ADK: variants seen among roughly 807,000 people sequenced by gnomAD.
ADK encodes the protein N6,N6-dimethyladenosine kinase.
Under a neutral mutation model 44.7 loss-of-function variants are expected in ADK, and 24 were observed. The ratio of observed to expected loss-of-function variants is 0.54; its 90% CI spans 0.39 to 0.76. The LOEUF (loss-of-function observed/expected upper bound fraction) is 0.76, where lower values mean the gene tolerates loss of function less well. ADK is among the 30% of genes least tolerant of loss of function. ADK has a pLI of 0.00. For synonymous variants in ADK, 128 were observed against 142.6 expected (o/e 0.90, Z 0.73); for missense variants, 321 against 425.1 (o/e 0.76, Z 2.15).
intron 10 of ADK, among the ~76,000 whole-genome samples, chr10:74,696,027 A>G (rs1434149006): frequency 6.6e-6 from 1 of 151,474 alleles, no homozygotes; most frequent in Non-Finnish European, 1.5e-5. Context: ...TTTTTATTTT[A>G]TTTTATTTTT....
At chr10:74,301,706 T>G (rs1435340616) in intron 3 of ADK, among the ~76,000 whole-genome samples, 1 of 152,060 alleles carries the variant, frequency 6.6e-6, no homozygotes, top group African/African-American at 2.4e-5. Flanking sequence ...TTTTTTCTCA[T>G]TACCCATAGA....
At chr10:74,455,981 G>GGGGGT (rs1413735803) in intron 6 of ADK, among the ~76,000 whole-genome samples, 1 of 151,972 alleles carries the variant, frequency 6.6e-6, no homozygotes, top group Non-Finnish European at 1.5e-5. Flanking sequence ...CATTGTGTCT[G>GGGGGT]GGGGTTGTTC....
intron 3 of ADK, among the ~76,000 whole-genome samples, chr10:74,252,676 A>T (rs923112356): frequency 2.0e-5 from 3 of 152,320 alleles, no homozygotes; most frequent in Non-Finnish European, 4.4e-5. Flanking sequence ...ATAGAAAGTA[A>T]GTGTTCAGAT....
chr10:74,690,213 G>A (rs1317989486), intron 10 of ADK, among the ~76,000 whole-genome samples: 1 of 152,204 alleles, frequency 6.6e-6, no homozygotes, highest in South Asian at 2.1e-4. Flanking sequence ...ATCCAAATCA[G>A]GCTGGGTGTG....
At chr10:74,268,618 C>T (rs1308499364) in intron 3 of ADK, among the ~76,000 whole-genome samples, 1 of 152,056 alleles carries the variant, frequency 6.6e-6, no homozygotes. Flanking sequence ...TGGTTATTAC[C>T]CAGACATGTT....
intron 9 of ADK, among the ~76,000 whole-genome samples, chr10:74,648,409 G>A (rs997822459): frequency 4.6e-5 from 7 of 152,152 alleles, no homozygotes; most frequent in East Asian, 1.9e-4. Flanking sequence ...GCCGGGCGCC[G>A]TGGCTCACAC....
rs533047982 is a variant in ADK, at chr10:74,587,142, G to T, written c.727-2140G>T. Among the ~76,000 whole-genome samples, 8 of 152,082 alleles carry T rather than the reference G, an allele frequency of 5.3e-5. No individual in the cohort carries two copies. In the South Asian group the frequency reaches 1.7e-3, roughly 32 times the overall value. On this transcript the variant is annotated intron_variant, in intron 7 of 10. Coordinates refer to ENST00000539909, the MANE Select transcript of ADK (RefSeq NM_006721.4). Reference sequence around the variant, plus strand: ...GTGGTTCTAGTATAGCTTTTTTGTTGTCTTTTTCATATAAGAATTTGCTTG... The same window carrying T: ...GTGGTTCTAGTATAGCTTTTTTGTTTTCTTTTTCATATAAGAATTTGCTTG...
chr10:74,159,589 T>G (rs1462950046), intron 1 of ADK, among the ~76,000 whole-genome samples: 1 of 151,970 alleles, frequency 6.6e-6, no homozygotes, highest in East Asian at 1.9e-4. Flanking sequence ...AACTGGAAAG[T>G]CCATCTAATT....
chr10:74,501,776 T>C (rs1383125033), intron 6 of ADK, among the ~76,000 whole-genome samples: 1 of 152,144 alleles, frequency 6.6e-6, no homozygotes, highest in East Asian at 1.9e-4. Flanking sequence ...TATGATTCCA[T>C]TTATATGAAG....
chr10:74,611,620 C>A (rs1038614434), intron 9 of ADK, among the ~76,000 whole-genome samples: 1 of 151,426 alleles, frequency 6.6e-6, no homozygotes, highest in Non-Finnish European at 1.5e-5. Context: ...GAATATAATA[C>A]CCAATAGGTA....
intron 4 of ADK, among the ~76,000 whole-genome samples, chr10:74,315,471 A>G (rs1448664969): frequency 6.6e-6 from 1 of 152,142 alleles, no homozygotes. Context: ...GCTTAACCTA[A>G]TCTTGATTGA....
At chr10:74,339,380 A>G (rs988956181) in intron 4 of ADK, among the ~76,000 whole-genome samples, 1 of 152,234 alleles carries the variant, frequency 6.6e-6, no homozygotes, top group South Asian at 2.1e-4. Context: ...GATTTCTTCA[A>G]AATTCTTTGC....
At chr10:74,521,721 A>G (rs1277150407) in intron 6 of ADK, among the ~76,000 whole-genome samples, 2 of 152,252 alleles carry the variant, frequency 1.3e-5, no homozygotes, top group African/African-American at 4.8e-5. Context: ...AAGATGCTGT[A>G]TAAACTGTTC....
rs1564856891 is a variant in ADK, at chr10:74,695,620, GTGTGTGTGTGTGTGT to G, written c.965-12700_965-12686del. Among the ~76,000 whole-genome samples, 56 of 126,184 alleles carry G rather than the reference GTGTGTGTGTGTGTGT, an allele frequency of 4.4e-4. 1 individual carries two copies. In the East Asian group the frequency reaches 0.014, roughly 31 times the overall value. The allele number at this position is 126,184 out of a possible 152,430, so 82.8% of individuals were successfully genotyped here. A position where few individuals can be genotyped will look rare whatever the true frequency, so the allele number is the denominator to read the frequency against. ...TTTACAATTCCTGTGTATGTGTGGG[GTGTGTGTGTGTGTGT>G]GTGTGTGTGTGTGTGTGTGTGTGAA... On this transcript the variant is annotated intron_variant, in intron 10 of 10. Coordinates refer to ENST00000539909, the MANE Select transcript of ADK (RefSeq NM_006721.4).
intron 6 of ADK, among the ~76,000 whole-genome samples, chr10:74,470,424 CTCA>C (rs1490684864): frequency 1.3e-5 from 2 of 151,984 alleles, no homozygotes; most frequent in African/African-American, 4.8e-5. Context: ...GTGCAAATAT[CTCA>C]TCAACATCTT....
At chr10:74,166,519 C>T (rs1228783306) in intron 1 of ADK, among the ~76,000 whole-genome samples, 3 of 151,810 alleles carry the variant, frequency 2.0e-5, no homozygotes, top group African/African-American at 4.8e-5. Context: ...GAGGTTTTGC[C>T]ATGTCACCCA....
intron 9 of ADK, among the ~76,000 whole-genome samples, chr10:74,602,196 T>C (rs1194334988): frequency 6.6e-6 from 1 of 151,550 alleles, no homozygotes; most frequent in African/African-American, 2.4e-5. Context: ...AATCTTTTAT[T>C]GTGATGGCAA....
chr10:74,217,140 C>T (rs1354543905), intron 2 of ADK, among the ~76,000 whole-genome samples: 2 of 152,200 alleles, frequency 1.3e-5, no homozygotes, highest in Admixed American at 6.5e-5. Context: ...ACAGATGGCA[C>T]CTGGAAAATC....
intron 9 of ADK, among the ~76,000 whole-genome samples, chr10:74,662,124 A>T (rs142328219): frequency 6.6e-6 from 1 of 152,352 alleles, no homozygotes; most frequent in Non-Finnish European, 1.5e-5. Flanking sequence ...TAATAGTCAC[A>T]GAAAATAGGT....
Sources: gnomAD v4.1 joint callset for allele counts (sites outside exome capture counted in the v4.1 genomes callset) on GRCh38, gnomAD v4.1.1 for gene constraint, MANE v1.5 for transcripts, NCBI Gene and HGNC (gene_info 2026-07-23, HGNC 2026-07-21) for gene names.